MOB1B: variants seen among roughly 807,000 people sequenced by gnomAD.
MOB1B encodes MOB1 Mps One Binder homolog B.
A neutral mutation model predicts 24.4 loss-of-function variants in MOB1B; 19 were observed. That is an observed-to-expected ratio of 0.78 (90% confidence interval 0.54 to 1.14). The LOEUF is 1.14. MOB1B is among the 50% of genes most tolerant of loss of function. MOB1B has a pLI of 0.00. For synonymous variants in MOB1B, 76 were observed against 82.1 expected, an observed-to-expected ratio of 0.93 and a Z score of 0.40; for missense variants, 243 against 259.6, an observed-to-expected ratio of 0.94 and a Z score of 0.44.
chr4:70,903,822 C>T (rs1487593063), intron 1 of MOB1B, among the ~76,000 whole-genome samples: 1 of 151,886 alleles, frequency 6.6e-6, no homozygotes, highest in East Asian at 1.9e-4. Context: ...GCATAGGGGA[C>T]CTGGCTTGTG....
intron 2 of MOB1B, among the ~76,000 whole-genome samples, chr4:70,967,724 AG>A (rs1442436629): frequency 6.6e-6 from 1 of 151,670 alleles, no homozygotes; most frequent in African/African-American, 2.4e-5. Context: ...AACAAAAAAA[AG>A]GAAAAAAAAT....
chr4:70,950,901 T>A, intron 1 of MOB1B: 1 of 757,660 alleles, frequency 1.3e-6, no homozygotes, highest in Admixed American at 2.0e-5. Context: ...ATTATCTCCA[T>A]TTTGTAGACG....
At chr4:70,952,093 G>A (rs2148890346) in intron 1 of MOB1B, among the ~76,000 whole-genome samples, 1 of 152,202 alleles carries the variant, frequency 6.6e-6, no homozygotes, top group South Asian at 2.1e-4. Context: ...AACAGTTCTA[G>A]GAATTTAACC....
At chr4:70,969,837 G>A (rs530223740) in intron 2 of MOB1B, 94 bp from the exon 3 acceptor site, 7 of 579,850 alleles carry the variant, frequency 1.2e-5, no homozygotes, top group African/African-American at 3.8e-5. Context: ...GTAGGGGAAC[G>A]AACGCCAATA....
At chr4:70,936,067 G>A (rs1737072533) in intron 1 of MOB1B, among the ~76,000 whole-genome samples, 3 of 151,940 alleles carry the variant, frequency 2.0e-5, no homozygotes, top group Non-Finnish European at 2.9e-5. Context: ...TAGCTGGGAT[G>A]GTCTCGATCT....
intron 2 of MOB1B, among the ~76,000 whole-genome samples, chr4:70,969,663 T>C (rs1415529140): frequency 6.6e-6 from 1 of 152,224 alleles, no homozygotes; most frequent in African/African-American, 2.4e-5. Context: ...TCTATATGAG[T>C]TCTTTATCTA....
In MOB1B at chr4:70,976,581, G is replaced by A. The variant is rs1739005488; in HGVS notation, c.409+1295G>A. 3.0e-6 allele frequency: 3 copies of A among 984,666 alleles called. No individual in the cohort carries two copies. The East Asian group carries it at 3.4e-4, about 112-fold the overall frequency. The allele number at this position is 984,666 out of a possible 1,614,324, so 61.0% of individuals were successfully genotyped here. A position where few individuals can be genotyped will look rare whatever the true frequency, so the allele number is the denominator to read the frequency against. ...ACAACTGATTGTCTCAAAAAGCTAA[G>A]AATCTGCTCCTGTAATGTTAGAACT... On this transcript the variant is annotated intron_variant, in intron 4 of 5. Coordinates refer to ENST00000309395, the MANE Select transcript of MOB1B (RefSeq NM_173468.4).
intron 1 of MOB1B, among the ~76,000 whole-genome samples, chr4:70,909,693 G>A (rs1359031055): frequency 6.6e-6 from 1 of 151,852 alleles, no homozygotes; most frequent in Non-Finnish European, 1.5e-5. Context: ...TGGAATTTGA[G>A]TCCTGGAAGT....
At chr4:70,965,796 CAAAA>C (rs71211986) in intron 2 of MOB1B, among the ~76,000 whole-genome samples, 28 of 28,696 alleles carry the variant, frequency 9.8e-4, no homozygotes, top group Non-Finnish European at 1.3e-3. Flanking sequence ...GACTCCGTCT[CAAAA>C]AAAAAAAAAA....
At chr4:70,950,428 A>G (rs1737753918) in intron 1 of MOB1B, among the ~76,000 whole-genome samples, 1 of 92,452 alleles carries the variant, frequency 1.1e-5, no homozygotes, top group Non-Finnish European at 1.8e-5. Context: ...TCTCTGTATC[A>G]AAAAAAAAAA....
intron 3 of MOB1B, among the ~76,000 whole-genome samples, chr4:70,972,751 A>G (rs887615798): frequency 1.3e-5 from 2 of 148,922 alleles, no homozygotes; most frequent in Non-Finnish European, 2.9e-5. Flanking sequence ...GGTCTAAGCA[A>G]TACACAATTA....
intron 1 of MOB1B, among the ~76,000 whole-genome samples, chr4:70,932,208 T>C (rs551432900): frequency 6.6e-6 from 1 of 152,216 alleles, no homozygotes; most frequent in African/African-American, 2.4e-5. Context: ...TCTATATTTC[T>C]ATATATATAA....
At chr4:70,933,555 T>C (rs1299944725) in intron 1 of MOB1B, among the ~76,000 whole-genome samples, 1 of 135,806 alleles carries the variant, frequency 7.4e-6, no homozygotes, top group African/African-American at 2.7e-5. Context: ...TTTTTTTTTT[T>C]TTTTTTTTTT....
intron 4 of MOB1B, among the ~76,000 whole-genome samples, chr4:70,978,463 C>T (rs1461960853): frequency 1.3e-5 from 2 of 152,140 alleles, no homozygotes; most frequent in Non-Finnish European, 2.9e-5. Context: ...ATTGCTGGGT[C>T]ATATGGTATT....
intron 2 of MOB1B, among the ~76,000 whole-genome samples, chr4:70,967,543 G>A (rs899716804): frequency 2.6e-5 from 4 of 152,150 alleles, no homozygotes; most frequent in Non-Finnish European, 5.9e-5. Context: ...TAAAAAATAT[G>A]TTGATTGTTC....
intron 4 of MOB1B, chr4:70,976,022 C>T (rs1738974143): frequency 1.1e-5 from 3 of 263,222 alleles, no homozygotes; most frequent in South Asian, 2.9e-4. Context: ...GCCTCAGCAT[C>T]CTAAGTAACT....
chr4:70,963,494 G>A (rs566700458), intron 2 of MOB1B, among the ~76,000 whole-genome samples: 1 of 152,236 alleles, frequency 6.6e-6, no homozygotes, highest in South Asian at 2.1e-4. Context: ...AATAGTAATT[G>A]TATTAAATGT....
rs1560670139 is a variant in MOB1B at position 70,982,104 on chromosome 4, A to G, written c.*47A>G. On this transcript the variant is annotated 3_prime_UTR_variant, in exon 6 of 6. Coordinates refer to ENST00000309395, the MANE Select transcript of MOB1B (RefSeq NM_173468.4). ...TTGTTCCTCAAATGAAGCAGTGTGG[A>G]GTGTATTGGGGATTTTGTTATATTT... 3 of 1,364,428 alleles carry G rather than the reference A, an allele frequency of 2.2e-6. No individual in the cohort carries two copies. Among genetic ancestry groups the G allele is most frequent in the Non-Finnish European group, 3.1e-6 (3 of 958,352 alleles). 84.5% of individuals were successfully genotyped at this position (1,364,428 alleles called of 1,614,324 possible).
chr4:70,965,045 C>A (rs561883595), intron 2 of MOB1B, among the ~76,000 whole-genome samples: 1 of 151,702 alleles, frequency 6.6e-6, no homozygotes, highest in East Asian at 1.9e-4. Flanking sequence ...CACCTATAAT[C>A]CCAACACTTT....
Sources: allele counts gnomAD v4.1 joint callset (sites outside exome capture counted in the v4.1 genomes callset), GRCh38; gene constraint gnomAD v4.1.1; transcripts MANE v1.5; gene names NCBI Gene and HGNC (gene_info 2026-07-23, HGNC 2026-07-21).